The following MSRA variants were observed in gnomAD, a reference collection of about 807,000 sequenced individuals.
MSRA encodes the protein methionine sulfoxide reductase A, also known as mitochondrial peptide methionine sulfoxide reductase.
MSRA carries 54 observed loss-of-function variants against 31.3 expected under a neutral mutation model. That is an observed-to-expected ratio of 1.73 (90% confidence interval 1.39 to 2.17). The LOEUF is 2.17. Among genes scored for constraint, MSRA ranks in the 30% most tolerant of loss-of-function variants. MSRA has a pLI of 0.00. For synonymous variants in MSRA, 169 were observed against 116.5 expected (o/e 1.45, Z -2.90); for missense variants, 507 against 300.9 (o/e 1.69, Z -5.07).
chr8:10,153,853 T>C (rs183290523), intron 1 of MSRA, among the ~76,000 whole-genome samples: 369 of 152,378 alleles, frequency 2.4e-3, no homozygotes, highest in Non-Finnish European at 4.2e-3. Context: ...TCAATCCTTT[T>C]ATTTCGGATC....
chr8:10,323,324 A>G (rs558984479), intron 5 of MSRA, among the ~76,000 whole-genome samples: 9 of 152,284 alleles, frequency 5.9e-5, no homozygotes, highest in African/African-American at 2.2e-4. Flanking sequence ...AATGCCATCT[A>G]TAAACTCCCT....
intron 4 of MSRA, among the ~76,000 whole-genome samples, chr8:10,316,693 G>C (rs1801746877): frequency 6.6e-6 from 1 of 152,084 alleles, no homozygotes; most frequent in African/African-American, 2.4e-5. Context: ...AAAATGGACA[G>C]GATTAAGTTC....
At chr8:10,196,142 G>A (rs946593599) in intron 1 of MSRA, among the ~76,000 whole-genome samples, 5 of 152,148 alleles carry the variant, frequency 3.3e-5, no homozygotes, top group Non-Finnish European at 7.4e-5. Flanking sequence ...GGCATACGAT[G>A]TGCCTTCAAG....
chr8:10,062,330 C>T (rs1042560877), intron 1 of MSRA, among the ~76,000 whole-genome samples: 3 of 152,226 alleles, frequency 2.0e-5, no homozygotes, highest in Non-Finnish European at 4.4e-5. Context: ...GAGATGCTTT[C>T]AGGATGTCAG....
rs1487366712 is a variant in MSRA at position 10,374,252 on chromosome 8, A to G, written c.544-53896A>G. Among the ~76,000 whole-genome samples the G allele has an allele frequency of 3.9e-5, 6 of 152,180 alleles. No individual in the cohort carries two copies. The South Asian group carries it at 1.0e-3, about 26-fold the overall frequency. ...ACTTACAGAATGTAATTTTGAGACT[A>G]TGGACAGAGATATTAGAGGAGAAAA... On this transcript the variant is annotated intron_variant, in intron 5 of 5. Transcript: ENST00000317173.
At chr8:10,200,386 G>A (rs1399713834) in intron 1 of MSRA, among the ~76,000 whole-genome samples, 2 of 152,224 alleles carry the variant, frequency 1.3e-5, no homozygotes, top group African/African-American at 2.4e-5. Context: ...ATGGGGGAGA[G>A]CAGTGAGCTG....
At chr8:10,241,836 A>C (rs1044254119) in intron 2 of MSRA, among the ~76,000 whole-genome samples, 1 of 152,230 alleles carries the variant, frequency 6.6e-6, no homozygotes, top group Admixed American at 6.5e-5. Flanking sequence ...TTGTCCTCTG[A>C]GGACGGTTGT....
At chr8:10,226,406 A>G (rs1811003676) in intron 2 of MSRA, among the ~76,000 whole-genome samples, 3 of 152,176 alleles carry the variant, frequency 2.0e-5, no homozygotes. Context: ...GGGACCTTTC[A>G]TGAAGATTTC....
chr8:10,324,955 G>T (rs749236205), intron 5 of MSRA, among the ~76,000 whole-genome samples: 1 of 152,224 alleles, frequency 6.6e-6, no homozygotes, highest in African/African-American at 2.4e-5. Context: ...GGAGGCAAGA[G>T]ACAAGAGGCA....
chr8:10,089,493 T>TG (rs1330959476), intron 1 of MSRA, among the ~76,000 whole-genome samples: 1 of 152,214 alleles, frequency 6.6e-6, no homozygotes, highest in Non-Finnish European at 1.5e-5. Context: ...CAGTGTCTGA[T>TG]GTGGATATAG....
Position 10,319,972 on chromosome 8 carries a change from A to G in MSRA, c.526A>G (p.Lys176Glu). The change falls in exon 5 of 6, where the codon AAA becomes GAA. Residue 176 changes from lysine to glutamate, a missense_variant. Lys to Glu is a moderately conservative substitution (Grantham distance 56). Coordinates refer to ENST00000317173, the MANE Select transcript of MSRA (RefSeq NM_012331.5). Reference sequence around the variant, plus strand: ...GCAAATGGAGGCAGCCCTGAGCTCCAAAGAGAACTACCAAAAGGTAGGGAT... The same window carrying G: ...GCAAATGGAGGCAGCCCTGAGCTCCGAAGAGAACTACCAAAAGGTAGGGAT... ...AKQMEAALSS[K>E]ENYQKVLSEH... 1 of 1,599,150 alleles carries G rather than the reference A, an allele frequency of 6.3e-7. No individual in the cohort carries two copies. The highest frequency in any genetic ancestry group is 8.5e-7 in the Non-Finnish European group (1 of 1,173,048).
chr8:10,370,384 A>G (rs1563403680), intron 5 of MSRA, among the ~76,000 whole-genome samples: 1 of 152,258 alleles, frequency 6.6e-6, no homozygotes, highest in Non-Finnish European at 1.5e-5. Context: ...ACATGGTGGC[A>G]TAGCATACGG....
intron 1 of MSRA, among the ~76,000 whole-genome samples, chr8:10,139,057 A>C (rs926149934): frequency 1.3e-5 from 2 of 152,198 alleles, no homozygotes; most frequent in African/African-American, 4.8e-5. Context: ...TGTTATTTTA[A>C]AGGCTTTCAT....
At chr8:10,241,991 G>A (rs971784050) in intron 2 of MSRA, among the ~76,000 whole-genome samples, 19 of 152,234 alleles carry the variant, frequency 1.2e-4, no homozygotes, top group Non-Finnish European at 2.9e-5. Flanking sequence ...CTTAAAGACA[G>A]CCGGATGTGG....
intron 1 of MSRA, among the ~76,000 whole-genome samples, chr8:10,201,724 C>T (rs905464264): frequency 6.6e-6 from 1 of 152,186 alleles, no homozygotes; most frequent in Non-Finnish European, 1.5e-5. Context: ...AACATGTCCC[C>T]CCGATCCCCT....
intron 1 of MSRA, among the ~76,000 whole-genome samples, chr8:10,131,855 A>C (rs192437231): frequency 1.3e-5 from 2 of 152,250 alleles, no homozygotes; most frequent in Admixed American, 6.5e-5. Context: ...TAATCCCCAA[A>C]TCTCCTCTTA....
intron 1 of MSRA, among the ~76,000 whole-genome samples, chr8:10,153,343 T>C (rs1172328498): frequency 6.6e-6 from 1 of 152,158 alleles, no homozygotes; most frequent in African/African-American, 2.4e-5. Context: ...GCCTTCCACC[T>C]TCCTTTCCCT....
rs1554468796 is a variant in MSRA at position 10,155,000 on chromosome 8, T to TATATATATATATATATATATATATATA, written c.143-52833_143-52832insATATATATATATATATATATATATATA. Among the ~76,000 whole-genome samples, 47 of 98,436 alleles carry TATATATATATATATATATATATATATA rather than the reference T, an allele frequency of 4.8e-4. 1 individual carries two copies. Among genetic ancestry groups the TATATATATATATATATATATATATATA allele is most frequent in the Non-Finnish European group, 6.9e-4 (36 of 52,050 alleles). 64.6% of individuals were successfully genotyped at this position (98,436 alleles called of 152,430 possible). On this transcript the variant is annotated intron_variant, in intron 1 of 5. Transcript: ENST00000317173. ...TTAATAGTTTGATAATGTGTATATA[T>TATATATATATATATATATATATATATA]TTTATATATATATAGGTTTTACCTT...
At chr8:10,057,274 G>T (rs1585056601) in intron 1 of MSRA, among the ~76,000 whole-genome samples, 1 of 152,302 alleles carries the variant, frequency 6.6e-6, no homozygotes, top group East Asian at 1.9e-4. Flanking sequence ...ACGGCAATGT[G>T]TCTTGCCCTG....
Sources: allele counts gnomAD v4.1 joint callset (sites outside exome capture counted in the v4.1 genomes callset), GRCh38; gene constraint gnomAD v4.1.1; transcripts MANE v1.5; gene names NCBI Gene and HGNC (gene_info 2026-07-23, HGNC 2026-07-21).